Variants in CCSER1 observed in about 807,000 individuals in gnomAD.
The protein encoded by CCSER1 is coiled-coil serine rich protein 1, also known as serine-rich coiled-coil domain-containing protein 1.
CCSER1 carries 41 observed loss-of-function variants against 82.0 expected under a neutral mutation model. The observed-to-expected ratio is 0.50, with a 90% CI of 0.39 to 0.65. CCSER1 has a LOEUF of 0.65. CCSER1 is among the 30% of genes least tolerant of loss of function. CCSER1 has a pLI of 0.00. For missense variants in CCSER1, 1,119 were observed against 1,064.2 expected, an observed-to-expected ratio of 1.05 and a Z score of -0.72; for synonymous variants, 414 against 383.9, an observed-to-expected ratio of 1.08 and a Z score of -0.92.
chr4:91,455,359 C>T (rs558168267), intron 10 of CCSER1, among the ~76,000 whole-genome samples: 4 of 151,992 alleles, frequency 2.6e-5, no homozygotes, highest in Non-Finnish European at 5.9e-5. Context: ...AATATGATAG[C>T]ATTAACAGGT....
intron 6 of CCSER1, among the ~76,000 whole-genome samples, chr4:90,709,680 A>G (rs1169706695): frequency 6.6e-6 from 1 of 152,134 alleles, no homozygotes; most frequent in East Asian, 1.9e-4. Flanking sequence ...TATTCAGTCT[A>G]TCATTGATGG....
chr4:90,875,985 A>G (rs1269490710), intron 8 of CCSER1, among the ~76,000 whole-genome samples: 4 of 152,202 alleles, frequency 2.6e-5, no homozygotes, highest in Non-Finnish European at 5.9e-5. Flanking sequence ...AGCACATTTT[A>G]AAAATCATGA....
intron 10 of CCSER1, among the ~76,000 whole-genome samples, chr4:91,494,628 G>T (rs1049601463): frequency 6.6e-6 from 1 of 151,686 alleles, no homozygotes; most frequent in Non-Finnish European, 1.5e-5. Flanking sequence ...CAATAAATCT[G>T]TTCCCACACT....
At chr4:91,164,315 G>C (rs1366248965) in intron 10 of CCSER1, among the ~76,000 whole-genome samples, 1 of 152,148 alleles carries the variant, frequency 6.6e-6, no homozygotes, top group Non-Finnish European at 1.5e-5. Flanking sequence ...AGTCTGATGG[G>C]CTTCCCTTTG....
intron 10 of CCSER1, among the ~76,000 whole-genome samples, chr4:91,304,768 G>C (rs1744926004): frequency 6.6e-6 from 1 of 152,016 alleles, no homozygotes; most frequent in South Asian, 2.1e-4. Context: ...GGAAACATAT[G>C]TATTTATTAT....
At chr4:91,439,580 G>A (rs554955850) in intron 10 of CCSER1, among the ~76,000 whole-genome samples, 77 of 151,168 alleles carry the variant, frequency 5.1e-4, no homozygotes, top group South Asian at 1.1e-3. Context: ...CAACTAACAA[G>A]CAAAATAACC....
At chr4:91,102,691 A>G (rs529810809) in intron 10 of CCSER1, among the ~76,000 whole-genome samples, 1 of 143,850 alleles carries the variant, frequency 7.0e-6, no homozygotes, top group South Asian at 2.2e-4. Flanking sequence ...TTGAAAGTAT[A>G]TTCATAAACA....
rs58133050 is a variant in CCSER1, at chr4:90,310,808, G to T, written c.1324+1200G>T. On this transcript the variant is annotated intron_variant, in intron 2 of 10. Coordinates refer to ENST00000509176, the MANE Select transcript of CCSER1 (RefSeq NM_001145065.2). ...TGTGACATAATGTCACGAGTAATAG[G>T]ATTATAAAGTTTATCCATAAACATA... is the stretch of plus-strand genomic sequence containing the variant. Among the ~76,000 whole-genome samples the T allele has an allele frequency of 4.5e-3, 689 of 152,104 alleles. 3 individuals are homozygous for T. The highest frequency in any genetic ancestry group is 0.016 in the African/African-American group (669 of 41,522).
At chr4:91,479,871 T>C (rs1204005523) in intron 10 of CCSER1, among the ~76,000 whole-genome samples, 1 of 143,182 alleles carries the variant, frequency 7.0e-6, no homozygotes, top group Non-Finnish European at 1.5e-5. Flanking sequence ...TAGGTATATC[T>C]CCCAATGCTA....
At chr4:90,364,438 A>T (rs1745924389) in intron 3 of CCSER1, among the ~76,000 whole-genome samples, 1 of 152,052 alleles carries the variant, frequency 6.6e-6, no homozygotes, top group African/African-American at 2.4e-5. Flanking sequence ...TTCTGATTTT[A>T]GAAGTTAGAA....
chr4:91,102,553 A>T (rs1256256653), intron 10 of CCSER1, among the ~76,000 whole-genome samples: 1 of 152,234 alleles, frequency 6.6e-6, no homozygotes, highest in Non-Finnish European at 1.5e-5. Context: ...TTGAATCAAT[A>T]TGCATTTAGA....
chr4:90,667,940 T>C (rs1038748376), intron 6 of CCSER1, among the ~76,000 whole-genome samples: 1 of 152,168 alleles, frequency 6.6e-6, no homozygotes, highest in African/African-American at 2.4e-5. Flanking sequence ...GTGTATGTCA[T>C]TTGGTTCAAT....
intron 3 of CCSER1, among the ~76,000 whole-genome samples, chr4:90,378,284 G>A (rs1748677474): frequency 6.6e-6 from 1 of 152,086 alleles, no homozygotes; most frequent in South Asian, 2.1e-4. Context: ...ACCTGTACTT[G>A]TAAAATACTT....
intron 7 of CCSER1, among the ~76,000 whole-genome samples, chr4:90,772,808 A>T (rs1412667859): frequency 6.6e-6 from 1 of 152,156 alleles, no homozygotes; most frequent in Non-Finnish European, 1.5e-5. Flanking sequence ...TCTTGTGACA[A>T]TCCTTACCTT....
intron 8 of CCSER1, among the ~76,000 whole-genome samples, chr4:90,894,581 C>A (rs1427608486): frequency 1.3e-5 from 2 of 151,998 alleles, no homozygotes; most frequent in Non-Finnish European, 2.9e-5. Context: ...CCTCTCTCTA[C>A]TCTGCCTCCC....
At chr4:90,885,669 T>C (rs2150090934) in intron 8 of CCSER1, among the ~76,000 whole-genome samples, 1 of 152,274 alleles carries the variant, frequency 6.6e-6, no homozygotes, top group South Asian at 2.1e-4. Context: ...TGATAGGAGA[T>C]GGCATTTGTG....
At chr4:91,458,705 T>C (rs1447979322) in intron 10 of CCSER1, among the ~76,000 whole-genome samples, 1 of 152,212 alleles carries the variant, frequency 6.6e-6, no homozygotes, top group Non-Finnish European at 1.5e-5. Context: ...TTTACAGTTT[T>C]AATTGTATAG....
chr4:90,339,050 A>G (rs542602474), intron 3 of CCSER1, among the ~76,000 whole-genome samples: 2 of 152,306 alleles, frequency 1.3e-5, no homozygotes, highest in South Asian at 4.1e-4. Flanking sequence ...GTTTTCATAA[A>G]TTGTTTATAT....
intron 10 of CCSER1, among the ~76,000 whole-genome samples, chr4:91,501,877 A>T (rs747797839): frequency 6.6e-6 from 1 of 152,204 alleles, no homozygotes; most frequent in African/African-American, 2.4e-5. Context: ...CATTACTTAC[A>T]TATATTCAAA....
Sources: allele counts gnomAD v4.1 joint callset (sites outside exome capture counted in the v4.1 genomes callset), GRCh38; gene constraint gnomAD v4.1.1; transcripts MANE v1.5; gene names NCBI Gene and HGNC (gene_info 2026-07-23, HGNC 2026-07-21).